The following DHX36 variants were observed in gnomAD, a reference collection of about 807,000 sequenced individuals.
DHX36 encodes DEAH-box helicase 36, also known as ATP-dependent DNA/RNA helicase DHX36.
A neutral mutation model predicts 139.0 loss-of-function variants in DHX36; 50 were observed. The ratio of observed to expected loss-of-function variants is 0.36; its 90% CI spans 0.29 to 0.46. The LOEUF is 0.46. DHX36 is among the 20% of genes least tolerant of loss of function. The pLI is 1.00. For synonymous variants in DHX36, 425 were observed against 401.9 expected (o/e 1.06, Z -0.69); for missense variants, 1,024 against 1,211.3 (o/e 0.85, Z 2.29).
chr3:154,294,455 C>T (rs1711947837), intron 13 of DHX36, among the ~76,000 whole-genome samples: 1 of 152,150 alleles, frequency 6.6e-6, no homozygotes, highest in Admixed American at 6.5e-5. Flanking sequence ...GAAAATGTTT[C>T]CCAGGCTATT....
chr3:154,323,305 AGCCTGG>A (rs1713269644), intron 1 of DHX36, among the ~76,000 whole-genome samples: 1 of 152,090 alleles, frequency 6.6e-6, no homozygotes, highest in African/African-American at 2.4e-5. Context: ...ACTGCACTCC[AGCCTGG>A]GCGACAGAGT....
At chr3:154,280,067 G>T (rs1453426830) in intron 22 of DHX36, 1 of 152,286 alleles carries the variant, frequency 6.6e-6, no homozygotes, top group East Asian at 1.9e-4. Context: ...CTGGCCATTT[G>T]TGACTCTTAG....
At chr3:154,305,498 A>T (rs1414037868) in intron 6 of DHX36, among the ~76,000 whole-genome samples, 1 of 152,212 alleles carries the variant, frequency 6.6e-6, no homozygotes, top group African/African-American at 2.4e-5. Context: ...TGTGTCAGGC[A>T]TGGTGGCTCA....
intron 3 of DHX36, among the ~76,000 whole-genome samples, chr3:154,313,049 A>G (rs1047375189): frequency 6.6e-6 from 1 of 151,002 alleles, no homozygotes; most frequent in African/African-American, 2.4e-5. Context: ...AAAAGCTACC[A>G]CACTTATCTT....
chr3:154,280,162 A>C (rs1378030756), intron 22 of DHX36: 2 of 156,662 alleles, frequency 1.3e-5, no homozygotes, highest in African/African-American at 4.8e-5. Context: ...CTACCTGTAA[A>C]TATATTATTA....
chr3:154,312,265 T>C (rs1712790072), intron 3 of DHX36: 1 of 152,196 alleles, frequency 6.6e-6, no homozygotes, highest in Non-Finnish European at 1.5e-5. Context: ...AAAACCTTTA[T>C]ATAAAAAGCA....
Position 154,305,155 on chromosome 3 carries a change from TC to T in DHX36, c.906del (p.Lys303AsnfsTer44). ...GTACAGTATAAGATAGAACCCTGTTTCCTTGGCAACCGACTGTGAATGAAAG... is the reference window on the plus strand; with the variant it reads ...GTACAGTATAAGATAGAACCCTGTTTCTTGGCAACCGACTGTGAATGAAAG... Reference protein sequence around the residue: ...YQIRLQSRLPRKQGSILYCTT... With the variant: ...YQIRLQSRLPXKQGSILYCTT... On this transcript the variant is annotated frameshift_variant, in exon 7 of 25. Transcript: ENST00000496811. LOFTEE classifies it high-confidence loss of function. 2.5e-6 allele frequency: 4 copies of T among 1,612,670 alleles called. No individual in the cohort carries two copies. Among genetic ancestry groups the T allele is most frequent in the Non-Finnish European group, 3.4e-6 (4 of 1,179,620 alleles).
chr3:154,287,715 A>G (rs571914731), intron 17 of DHX36, among the ~76,000 whole-genome samples: 13 of 152,270 alleles, frequency 8.5e-5, no homozygotes, highest in Admixed American at 7.8e-4. Context: ...TAAAAAAAGG[A>G]AAGTTGAAAA....
intron 15 of DHX36, among the ~76,000 whole-genome samples, chr3:154,291,830 A>G (rs199512442): frequency 1.1e-4 from 16 of 152,364 alleles, no homozygotes; most frequent in East Asian, 3.9e-4. Flanking sequence ...ACTCATATGA[A>G]TAAGTGCAGA....
At chr3:154,281,418 T>C (rs969397399) in intron 20 of DHX36, among the ~76,000 whole-genome samples, 4 of 151,970 alleles carry the variant, frequency 2.6e-5, no homozygotes, top group African/African-American at 4.8e-5. Context: ...TCAAGTAACA[T>C]AGAAAAGTAC....
intron 3 of DHX36, among the ~76,000 whole-genome samples, chr3:154,313,625 A>G (rs1712853505): frequency 6.6e-6 from 1 of 152,188 alleles, no homozygotes; most frequent in Non-Finnish European, 1.5e-5. Context: ...GGCTGCAGTG[A>G]GCCATGATGG....
Position 154,284,830 on chromosome 3 carries a change from G to A in DHX36, c.2189C>T (p.Pro730Leu). The change falls in exon 18 of 25, where the codon CCA becomes CTA. Residue 730 changes from proline (P) to leucine (L), a missense_variant. Physicochemically the swap from Pro to Leu is moderately conservative, Grantham distance 98. Transcript: ENST00000496811. ...TTTTCTTACCAGTGGAATGACAAAT[G>A]GATCTTTGAAACTGAGACTAGCAGC... ...TIAASLSFKD[P>L]FVIPLGKEKI... The A allele has an allele frequency of 6.2e-7, 1 of 1,613,822 alleles. No homozygotes were observed.
chr3:154,299,493 AG>A (rs1263389046), intron 12 of DHX36, among the ~76,000 whole-genome samples: 1 of 152,152 alleles, frequency 6.6e-6, no homozygotes, highest in African/African-American at 2.4e-5. Context: ...TCGCATTCTT[AG>A]ATTTGGGGTG....
rs1246506200 is a variant in DHX36, at chr3:154,305,147, A to G, written c.915T>C (p.Gly305=). 6.2e-7 allele frequency: 1 copy of G among 1,612,468 alleles called. No homozygotes were observed. The highest frequency in any genetic ancestry group is 1.3e-5 in the African/African-American group (1 of 74,838). ...RLQSRLPRKQ[G]SILYCTTGII... is the part of the protein sequence containing the mutation. ...TTCCTGTTGTACAGTATAAGATAGAACCCTGTTTCCTTGGCAACCGACTGT... is the reference window on the plus strand; with the variant it reads ...TTCCTGTTGTACAGTATAAGATAGAGCCCTGTTTCCTTGGCAACCGACTGT... Residue 305 remains glycine (G), a synonymous_variant, in exon 7 of 25, where the codon GGT becomes GGC. Coordinates refer to ENST00000496811, the MANE Select transcript of DHX36 (RefSeq NM_020865.3).
chr3:154,324,362 C>A lies in DHX36; in HGVS notation c.55G>T (p.Gly19Cys). The A allele has an allele frequency of 6.3e-7, 1 of 1,592,946 alleles. No individual in the cohort carries two copies. The highest frequency in any genetic ancestry group is 1.1e-5 in the South Asian group (1 of 88,574). Residue 19 changes from glycine (G) to cysteine (C), a missense_variant, in exon 1 of 25, where the codon GGT becomes TGT. Physicochemically the swap from Gly to Cys is radical, Grantham distance 159 (BLOSUM62 -3). Around this residue, in one of 4 missense-constraint regions of DHX36, gnomAD observed 293 missense variants for 274.4 expected, o/e 1.07. Transcript: ENST00000496811. ...WGRDGGPRSS[G>C]GGYGGGPAGG... is the part of the protein sequence containing the mutation. ...GCTGGCCCCCCTCCATAGCCCCCAC[C>A]GGAGCTGCGGGGACCCCCATCACGG...
In DHX36 at chr3:154,275,654, T is replaced by TC; in HGVS notation, c.*516dup. 1 of 152,692 alleles carries TC rather than the reference T, an allele frequency of 6.5e-6. No homozygotes were observed. The highest frequency in any genetic ancestry group is 1.5e-5 in the Non-Finnish European group (1 of 68,022). 9.5% of individuals were successfully genotyped at this position (152,692 alleles called of 1,614,324 possible). ...CCATAGGTGAAAATGTAGAAACCAA[T>TC]CCAAGAGGTTGGCTGAGATTTAACA... On this transcript the variant is annotated 3_prime_UTR_variant, in exon 25 of 25. Coordinates refer to ENST00000496811, the MANE Select transcript of DHX36 (RefSeq NM_020865.3).
Position 154,276,757 on chromosome 3 carries a change from T to C in DHX36, c.2831A>G (p.His944Arg), listed in dbSNP as rs756907366. ...IVFQSPARIA[H>R]LVKELRKELD... ...CATAAAGTCAGTCACCTTAACAAGA[T>C]GGGCAATTCTTGCTGGAGACTGAAA... Residue 944 changes from histidine (H) to arginine (R), a missense_variant, in exon 24 of 25, where the codon CAT (histidine) becomes CGT (arginine). His to Arg is a conservative substitution (Grantham distance 29, BLOSUM62 0). Around this residue, in one of 4 missense-constraint regions of DHX36, gnomAD observed 470 missense variants for 616.2 expected, o/e 0.76. Transcript: ENST00000496811. 7 of 1,613,648 alleles carry C rather than the reference T, an allele frequency of 4.3e-6. No homozygotes were observed. In the African/African-American group the frequency reaches 6.7e-5, roughly 15 times the overall value.
chr3:154,306,730 T>C (rs1417778530), intron 5 of DHX36, among the ~76,000 whole-genome samples: 1 of 152,188 alleles, frequency 6.6e-6, no homozygotes, highest in African/African-American at 2.4e-5. Context: ...AAGTTATGAC[T>C]GCCAAAAATA....
At position 154,280,973 on chromosome 3, in the gene DHX36, A is replaced by T; in HGVS notation, c.2377-111T>A. ...TAAGCTATCCCTGCTTTATGAAAAC[A>T]CTTTAGCAAACATGTTTTAAAGCAA... On this transcript the variant is annotated intron_variant, in intron 20 of 24. Coordinates refer to ENST00000496811, the MANE Select transcript of DHX36 (RefSeq NM_020865.3). 3.9e-6 allele frequency: 3 copies of T among 766,704 alleles called. No homozygotes were observed. In the South Asian group the frequency reaches 5.6e-5, roughly 14 times the overall value. 47.5% of individuals were successfully genotyped at this position (766,704 alleles called of 1,614,324 possible).
Sources: allele counts gnomAD v4.1 joint callset (sites outside exome capture counted in the v4.1 genomes callset), GRCh38; gene constraint gnomAD v4.1.1; regional missense constraint gnomAD v4.1.1; transcripts MANE v1.5; gene names NCBI Gene and HGNC (gene_info 2026-07-23, HGNC 2026-07-21).